The following TRIB2 variants were observed in gnomAD, a reference collection of about 807,000 sequenced individuals.
TRIB2 encodes tribbles homolog 2.
A neutral mutation model predicts 26.8 loss-of-function variants in TRIB2; 2 were observed. That is an observed-to-expected ratio of 0.07 (90% CI 0.03 to 0.24). The LOEUF is 0.24. Ranked by LOEUF, TRIB2 falls within the 10% of genes least tolerant of loss-of-function variation. TRIB2 has a pLI of 1.00. For synonymous variants in TRIB2, 189 were observed against 187.3 expected (o/e 1.01, Z -0.08); for missense variants, 306 against 449.0 (o/e 0.68, Z 2.88).
chr2:12,737,112 C>G (rs1473155800), intron 2 of TRIB2, among the ~76,000 whole-genome samples: 1 of 152,134 alleles, frequency 6.6e-6, no homozygotes, highest in Non-Finnish European at 1.5e-5. Context: ...GGGGGTCACC[C>G]TGCAGCCGTG....
At chr2:12,729,934 C>T (rs1661418412) in intron 2 of TRIB2, among the ~76,000 whole-genome samples, 1 of 152,206 alleles carries the variant, frequency 6.6e-6, no homozygotes, top group Non-Finnish European at 1.5e-5. Context: ...TGCACTGCAG[C>T]TACTTGAATA....
At position 12,740,608 on chromosome 2, in the gene TRIB2, G is replaced by A; in HGVS notation, c.846G>A (p.Lys282=). Residue 282 remains lysine, a synonymous_variant, in exon 3 of 3, where the codon AAG becomes AAA. Transcript: ENST00000155926. This position sits in a 1 kb window ranked among gnomAD's most constrained non-coding sequence, Gnocchi z 5.8. ...CAGAGACTCTGTCGCCCAAGGCCAA[G>A]TGCCTCATCCGAAGCATTCTGCGTC... is the stretch of plus-strand genomic sequence containing the variant. ...NIPETLSPKA[K]CLIRSILRRE... is the part of the protein sequence containing the mutation. 1 of 1,614,206 alleles carries A rather than the reference G, an allele frequency of 6.2e-7. No individual in the cohort carries two copies. The highest frequency in any genetic ancestry group is 8.5e-7 in the Non-Finnish European group (1 of 1,180,030).
At chr2:12,728,132 A>ATT (rs1426539926) in intron 2 of TRIB2, among the ~76,000 whole-genome samples, 1 of 152,082 alleles carries the variant, frequency 6.6e-6, no homozygotes, top group African/African-American at 2.4e-5. Context: ...ACCTTGAAAA[A>ATT]TTACCTAAGC....
In TRIB2 at chr2:12,731,410, T is replaced by C. The variant is rs541431281; in HGVS notation, c.563+7858T>C. ...GCCCAGAAGGAACCATTGAAAGGTT[T>C]TTCTGGATGGCAGGGATGGGTTTGT... On this transcript the variant is annotated intron_variant, in intron 2 of 2. Coordinates refer to ENST00000155926, the MANE Select transcript of TRIB2 (RefSeq NM_021643.4). Among the ~76,000 whole-genome samples, 4 of 152,240 alleles carry C rather than the reference T, an allele frequency of 2.6e-5. No individual in the cohort carries two copies. In the South Asian group the frequency reaches 8.3e-4, roughly 32 times the overall value.
chr2:12,718,520 G>T lies in TRIB2; in HGVS notation c.213G>T (p.Glu71Asp). Reference protein sequence around the residue: ...IGKYLLLEPLEGDHVFRAVHL... With the variant: ...IGKYLLLEPLDGDHVFRAVHL... ...AATACTTATTGTTGGAACCTCTGGA[G>T]GGAGACCACGTTTTTCGTGCCGTGC... Residue 71 changes from glutamate to aspartate, a missense_variant, in exon 1 of 3, where the codon GAG becomes GAT. Glu to Asp is a conservative substitution (Grantham distance 45). Around this residue, in one of 4 missense-constraint regions of TRIB2, gnomAD observed 99 missense variants for 106.5 expected, o/e 0.93. Transcript: ENST00000155926. The surrounding 1 kb of genome is among the most constrained non-coding windows in gnomAD (Gnocchi z 4.0). 6.2e-7 allele frequency: 1 copy of T among 1,614,196 alleles called. No homozygotes were observed. Among genetic ancestry groups the T allele is most frequent in the Non-Finnish European group, 8.5e-7 (1 of 1,180,020 alleles).
chr2:12,734,568 A>G (rs575692433), intron 2 of TRIB2, among the ~76,000 whole-genome samples: 6 of 152,230 alleles, frequency 3.9e-5, no homozygotes, highest in Admixed American at 1.3e-4. Context: ...CTTAATAATA[A>G]GATCGATCAT....
chr2:12,736,134 T>A (rs896729268), intron 2 of TRIB2, among the ~76,000 whole-genome samples: 1 of 151,822 alleles, frequency 6.6e-6, no homozygotes, highest in Non-Finnish European at 1.5e-5. Flanking sequence ...AAGGAGAAAG[T>A]CAGAATCTAA....
In TRIB2 at chr2:12,717,421, G is replaced by T; in HGVS notation, c.-887G>T. ...TCTCCTGCACGTCTGGCTGCATTCG[G>T]AGGAAGACCTGGGGCGCGAGCGAGC... On this transcript the variant is annotated 5_prime_UTR_variant, in exon 1 of 3. Coordinates refer to ENST00000155926, the MANE Select transcript of TRIB2 (RefSeq NM_021643.4). This position sits in a 1 kb window ranked among gnomAD's most constrained non-coding sequence, Gnocchi z 4.8. 2.5e-6 allele frequency: 1 copy of T among 398,382 alleles called. No individual in the cohort carries two copies. The highest frequency in any genetic ancestry group is 3.6e-5 in the East Asian group (1 of 28,012). The allele number at this position is 398,382 out of a possible 1,614,324, so 24.7% of individuals were successfully genotyped here.
chr2:12,738,549 G>A (rs1161122185), intron 2 of TRIB2, among the ~76,000 whole-genome samples: 1 of 152,124 alleles, frequency 6.6e-6, no homozygotes. Flanking sequence ...GAGCTTTTGA[G>A]ACCCAAGGAC....
rs572494263 is a variant in TRIB2, at chr2:12,719,579, T to TTG, written c.270+1003_270+1004insGT. Among the ~76,000 whole-genome samples, 82 of 147,968 alleles carry TTG rather than the reference T, an allele frequency of 5.5e-4. 1 individual carries two copies. The highest frequency in any genetic ancestry group is 1.9e-3 in the African/African-American group (80 of 41,078). ...CTTAATTTTAGATTTGCTGACTGTTTTTTTTTTTTTTTGAGGGGGTAAGGG... is the reference window on the plus strand; with the variant it reads ...CTTAATTTTAGATTTGCTGACTGTTTTGTTTTTTTTTTTTGAGGGGGTAAGGG... On this transcript the variant is annotated intron_variant, in intron 1 of 2. Coordinates refer to ENST00000155926, the MANE Select transcript of TRIB2 (RefSeq NM_021643.4).
At chr2:12,737,062 G>A (rs894774302) in intron 2 of TRIB2, among the ~76,000 whole-genome samples, 1 of 152,180 alleles carries the variant, frequency 6.6e-6, no homozygotes, top group Non-Finnish European at 1.5e-5. Flanking sequence ...CTGGGATGGA[G>A]AGAGAGGGAG....
chr2:12,736,865 G>A (rs1381766377), intron 2 of TRIB2, among the ~76,000 whole-genome samples: 2 of 152,226 alleles, frequency 1.3e-5, no homozygotes, highest in East Asian at 3.8e-4. Context: ...ATGCTGAAAA[G>A]AGGAGGAGGG....
chr2:12,728,940 G>T (rs1661392253), intron 2 of TRIB2, among the ~76,000 whole-genome samples: 1 of 152,188 alleles, frequency 6.6e-6, no homozygotes, highest in Non-Finnish European at 1.5e-5. Context: ...CAGAGGGCAG[G>T]CATGGAAACC....
Position 12,718,795 on chromosome 2 carries a change from C to A in TRIB2, c.270+218C>A, listed in dbSNP as rs923886122. ...GGCAGTGGGGGCGTTTCGGGGAGAG[C>A]CCGGGGAGGAGAGGGCGGCGGGACT... On this transcript the variant is annotated intron_variant, in intron 1 of 2. Coordinates refer to ENST00000155926, the MANE Select transcript of TRIB2 (RefSeq NM_021643.4). This position sits in a 1 kb window ranked among gnomAD's most constrained non-coding sequence, Gnocchi z 4.0. 6.6e-6 allele frequency among the ~76,000 whole-genome samples: 1 copy of A among 152,126 alleles called. No homozygotes were observed. Among genetic ancestry groups the A allele is most frequent in the Admixed American group, 6.5e-5 (1 of 15,280 alleles).
In TRIB2 at chr2:12,718,556, CG is replaced by C; in HGVS notation, c.251del (p.Gly84GlufsTer64). ...TTTTTCGTGCCGTGCATCTGCACAG[CG>C]GAGAGGAGCTGGTGTGCAAGGTAAA... ...HVFRAVHLHS[G>X]EELVCKVFDI... On this transcript the variant is annotated frameshift_variant, in exon 1 of 3. Transcript: ENST00000155926. LOFTEE classifies it high-confidence loss of function. The surrounding 1 kb of genome is among the most constrained non-coding windows in gnomAD (Gnocchi z 4.0). 1 of 1,613,802 alleles carries C rather than the reference CG, an allele frequency of 6.2e-7. No homozygotes were observed. Among genetic ancestry groups the C allele is most frequent in the Non-Finnish European group, 8.5e-7 (1 of 1,179,716 alleles).
chr2:12,730,420 C>T (rs1661429627), intron 2 of TRIB2, among the ~76,000 whole-genome samples: 1 of 152,134 alleles, frequency 6.6e-6, no homozygotes, highest in Non-Finnish European at 1.5e-5. Context: ...GTCTCTTATG[C>T]CCAACCCTGA....
chr2:12,723,769 G>C (rs1352659786), intron 2 of TRIB2, among the ~76,000 whole-genome samples: 3 of 152,210 alleles, frequency 2.0e-5, no homozygotes, highest in Non-Finnish European at 2.9e-5. Flanking sequence ...TCAAAGGACA[G>C]GTACCAGGAT....
intron 2 of TRIB2, among the ~76,000 whole-genome samples, chr2:12,724,156 G>C (rs993080235): frequency 6.6e-6 from 1 of 152,156 alleles, no homozygotes. Context: ...TTTTACAGGA[G>C]GGGTGATTTT....
At chr2:12,723,888 A>G (rs1306268643) in intron 2 of TRIB2, among the ~76,000 whole-genome samples, 2 of 152,230 alleles carry the variant, frequency 1.3e-5, no homozygotes, top group African/African-American at 4.8e-5. Context: ...TGAAAATTCT[A>G]CCCGCAGAAC....
Sources: allele counts gnomAD v4.1 joint callset (sites outside exome capture counted in the v4.1 genomes callset), GRCh38; gene constraint gnomAD v4.1.1; regional missense constraint gnomAD v4.1.1; non-coding constraint Gnocchi (gnomAD v3.1); transcripts MANE v1.5; gene names NCBI Gene and HGNC (gene_info 2026-07-23, HGNC 2026-07-21).